PCP4: variants seen among roughly 807,000 people sequenced by gnomAD.
PCP4 encodes the protein calmodulin regulator protein PCP4.
In PCP4, 8 loss-of-function variants were observed where a neutral mutation model predicts 10.0. The ratio of observed to expected loss-of-function variants is 0.80; its 90% CI spans 0.47 to 1.45. The LOEUF (loss-of-function observed/expected upper bound fraction) is 1.45. Among genes scored for constraint, PCP4 ranks in the 40% most tolerant of loss-of-function variants. The pLI is 0.00. For synonymous variants in PCP4, 21 were observed against 23.0 expected (o/e 0.91, Z 0.24); for missense variants, 54 against 74.4 (o/e 0.73, Z 1.01).
chr21:39,871,755 C>T (rs1477008364), intron 1 of PCP4, among the ~76,000 whole-genome samples: 1 of 152,140 alleles, frequency 6.6e-6, no homozygotes, highest in Non-Finnish European at 1.5e-5. Flanking sequence ...TGCCATAAAA[C>T]TTGTTTCCCC....
At chr21:39,922,333 C>T (rs1002161038) in intron 2 of PCP4, among the ~76,000 whole-genome samples, 7 of 152,124 alleles carry the variant, frequency 4.6e-5, no homozygotes, top group Non-Finnish European at 8.8e-5. Flanking sequence ...TATTACCATT[C>T]CATCTTTAAG....
At chr21:39,900,103 C>T (rs894027902) in intron 2 of PCP4, among the ~76,000 whole-genome samples, 34 of 152,222 alleles carry the variant, frequency 2.2e-4, no homozygotes, top group Middle Eastern at 6.8e-3. Flanking sequence ...GGGACAATCT[C>T]GGCTCACTGC....
At chr21:39,867,596 C>T in intron 1 of PCP4, 86 bp downstream of exon 1, 2 of 1,207,924 alleles carry the variant, frequency 1.7e-6, no homozygotes, top group South Asian at 2.4e-5. Context: ...ATGTGAGGGA[C>T]TTAGCAGTGC....
At chr21:39,883,917 GT>G (rs2087387911) in intron 1 of PCP4, among the ~76,000 whole-genome samples, 1 of 152,134 alleles carries the variant, frequency 6.6e-6, no homozygotes, top group Non-Finnish European at 1.5e-5. Context: ...CAATGTGAGT[GT>G]TTTTATCTCA....
chr21:39,927,877 G>A (rs866402956), intron 2 of PCP4, among the ~76,000 whole-genome samples: 2 of 152,182 alleles, frequency 1.3e-5, no homozygotes, highest in Non-Finnish European at 1.5e-5. Flanking sequence ...CATCCATCTT[G>A]CTCTTAGGAG....
chr21:39,885,562 C>T (rs2146330437), intron 1 of PCP4, among the ~76,000 whole-genome samples: 1 of 152,354 alleles, frequency 6.6e-6, no homozygotes, highest in East Asian at 1.9e-4. Flanking sequence ...GAGTGTCCTA[C>T]CTCCATGTGG....
chr21:39,897,270 C>T (rs2087461339), intron 1 of PCP4, among the ~76,000 whole-genome samples: 1 of 151,954 alleles, frequency 6.6e-6, no homozygotes, highest in South Asian at 2.1e-4. Context: ...TGCCTGTAAT[C>T]CCAGCTACTC....
intron 1 of PCP4, among the ~76,000 whole-genome samples, chr21:39,878,543 A>C (rs556496233): frequency 9.2e-5 from 14 of 152,342 alleles, no homozygotes; most frequent in African/African-American, 2.6e-4. Flanking sequence ...GACTTGTTGC[A>C]TCTTTCTTTA....
At chr21:39,909,952 C>T (rs1046818234) in intron 2 of PCP4, among the ~76,000 whole-genome samples, 25 of 152,060 alleles carry the variant, frequency 1.6e-4, no homozygotes, top group Non-Finnish European at 3.2e-4. Flanking sequence ...CCCGCCACCA[C>T]GTCTGGCTAA....
chr21:39,911,855 C>G (rs2087541509), intron 2 of PCP4, among the ~76,000 whole-genome samples: 3 of 152,238 alleles, frequency 2.0e-5, no homozygotes. Context: ...ACAAGATGAG[C>G]TACCTGCAGA....
At chr21:39,924,069 G>A (rs997205331) in intron 2 of PCP4, among the ~76,000 whole-genome samples, 10 of 152,154 alleles carry the variant, frequency 6.6e-5, no homozygotes, top group African/African-American at 9.7e-5. Flanking sequence ...CCATGCGGGC[G>A]GCCATGATGG....
chr21:39,900,580 A>G lies in PCP4; in HGVS notation c.61+2053A>G, dbSNP rs895303641. On this transcript the variant is annotated intron_variant, in intron 2 of 2. Transcript: ENST00000328619. ...AAAAGAACCACAGCTGCCTGTAACA[A>G]GCATGCAGTTTACACAGCGTTTTCA... Among the ~76,000 whole-genome samples the G allele has an allele frequency of 5.3e-5, 8 of 152,112 alleles. No individual in the cohort carries two copies. In the East Asian group the frequency reaches 1.5e-3, roughly 29 times the overall value.
chr21:39,887,947 C>G (rs997796610), intron 1 of PCP4, among the ~76,000 whole-genome samples: 1 of 152,194 alleles, frequency 6.6e-6, no homozygotes, highest in African/African-American at 2.4e-5. Flanking sequence ...TATGCAATAT[C>G]TGAAACTTCA....
intron 2 of PCP4, among the ~76,000 whole-genome samples, chr21:39,918,436 A>G (rs1211669844): frequency 6.6e-6 from 1 of 152,206 alleles, no homozygotes; most frequent in South Asian, 2.1e-4. Flanking sequence ...ACTTTTGGCT[A>G]CCAAATTAGG....
At chr21:39,921,299 C>T (rs2087595633) in intron 2 of PCP4, among the ~76,000 whole-genome samples, 1 of 152,176 alleles carries the variant, frequency 6.6e-6, no homozygotes, top group Admixed American at 6.5e-5. Flanking sequence ...GTAGCACAAC[C>T]CCACAGGATG....
chr21:39,884,842 C>T (rs994544158), intron 1 of PCP4, among the ~76,000 whole-genome samples: 5 of 151,562 alleles, frequency 3.3e-5, no homozygotes, highest in Non-Finnish European at 5.9e-5. Context: ...ATTCTATCAC[C>T]TGAAAAGTTT....
intron 1 of PCP4, among the ~76,000 whole-genome samples, chr21:39,869,665 G>A (rs1461458546): frequency 2.0e-5 from 3 of 152,204 alleles, no homozygotes; most frequent in Non-Finnish European, 2.9e-5. Flanking sequence ...GCTCCTTGGA[G>A]AGCAGGAATT....
intron 1 of PCP4, among the ~76,000 whole-genome samples, chr21:39,893,295 T>C (rs561185411): frequency 1.3e-5 from 2 of 152,322 alleles, no homozygotes; most frequent in African/African-American, 4.8e-5. Context: ...CTTCAAAAAA[T>C]TGTACCTTTA....
chr21:39,872,155 C>T (rs908833026), intron 1 of PCP4, among the ~76,000 whole-genome samples: 6 of 152,232 alleles, frequency 3.9e-5, no homozygotes, highest in South Asian at 2.1e-4. Context: ...CCTACCACCA[C>T]GCCCAGCTAA....
Sources: gnomAD v4.1 joint callset for allele counts (sites outside exome capture counted in the v4.1 genomes callset) on GRCh38, gnomAD v4.1.1 for gene constraint, MANE v1.5 for transcripts, NCBI Gene and HGNC (gene_info 2026-07-23, HGNC 2026-07-21) for gene names.